DST: variants seen among roughly 807,000 people sequenced by gnomAD.
DST encodes bullous pemphigoid antigen.
DST carries 253 observed loss-of-function variants against 875.2 expected under a neutral mutation model. The ratio of observed to expected loss-of-function variants is 0.29; its 90% CI spans 0.26 to 0.32. DST has a LOEUF of 0.32. DST is among the 10% of genes least tolerant of loss of function. DST has a pLI of 1.00. For missense variants in DST, 8,287 were observed against 9,111.6 expected, an observed-to-expected ratio of 0.91 and a Z score of 3.68; for synonymous variants, 3,124 against 3,197.1, an observed-to-expected ratio of 0.98 and a Z score of 0.77.
rs528464621 is a variant in DST at position 56,462,092 on chromosome 6, C to T, written c.23070+954G>A. The T allele has an allele frequency of 2.0e-5, 3 of 152,280 alleles. No individual in the cohort carries two copies. The South Asian group carries it at 6.2e-4, about 32-fold the overall frequency. The allele number at this position is 152,280 out of a possible 1,614,324, so 9.4% of individuals were successfully genotyped here. On this transcript the variant is annotated intron_variant, in intron 102 of 103. Coordinates refer to ENST00000680361, the MANE Select transcript of DST (RefSeq NM_001374736.1). ...AGGGCTTTTAAAAGTTATTATATTA[C>T]TTTTATTTGAGGATCCTGGCCTTTA... is the stretch of plus-strand genomic sequence containing the variant.
In DST at chr6:56,640,420, G is replaced by A. The variant is rs556008632; in HGVS notation, c.2213C>T (p.Thr738Ile). The A allele has an allele frequency of 6.2e-6, 10 of 1,614,162 alleles. No homozygotes were observed. The South Asian group carries it at 1.1e-4, about 18-fold the overall frequency. Residue 738 changes from threonine (T) to isoleucine (I), a missense_variant, in exon 18 of 104, where the codon ACA becomes ATA. Thr to Ile is a moderately conservative substitution (Grantham distance 89, BLOSUM62 -1). Transcript: ENST00000680361. ...SLTSGLTQSL[T>I]PSLTSSSMTS... ...CATACTAGAAGAGGTTAGGGAAGGT[G>A]TTAAACTCTGGGTCAGCCCTGAGGT...
intron 71 of DST, among the ~76,000 whole-genome samples, chr6:56,516,157 G>GAA (rs1554278513): frequency 1.5e-5 from 1 of 67,766 alleles, no homozygotes; most frequent in African/African-American, 3.7e-5. Flanking sequence ...GAAAGAGAAA[G>GAA]AGAGAAAGAG....
intron 2 of DST, among the ~76,000 whole-genome samples, chr6:56,921,739 A>G (rs1196087629): frequency 6.6e-6 from 1 of 151,904 alleles, no homozygotes; most frequent in Non-Finnish European, 1.5e-5. Flanking sequence ...TGCATGCTCA[A>G]ATTTATTTCA....
chr6:56,493,158 T>C (rs751137800), intron 83 of DST, 69 bp from the exon 84 acceptor site: 10 of 1,426,536 alleles, frequency 7.0e-6, no homozygotes, highest in Non-Finnish European at 9.5e-6. Context: ...TCAGTTTAAA[T>C]ATTCTCTGGC....
At chr6:56,799,173 A>G (rs961757177) in intron 4 of DST, among the ~76,000 whole-genome samples, 2 of 152,188 alleles carry the variant, frequency 1.3e-5, no homozygotes, top group African/African-American at 4.8e-5. Context: ...TTTTGAAAGA[A>G]GTTCTACTGT....
Position 56,532,337 on chromosome 6 carries a change from A to G in DST, c.17108+7T>C. On this transcript the variant is annotated splice_region_variant and intron_variant, in intron 64 of 103. Transcript: ENST00000680361. ...TCTTTCAAAAGAACTGGAAGTATAT[A>G]AGTTACCTTGTTTCAGCTTTATTAA... 1.9e-6 allele frequency: 3 copies of G among 1,612,884 alleles called. No individual in the cohort carries two copies. Among genetic ancestry groups the G allele is most frequent in the South Asian group, 1.1e-5 (1 of 91,018 alleles).
chr6:56,721,200 C>A (rs1333582444), intron 5 of DST, among the ~76,000 whole-genome samples: 1 of 91,974 alleles, frequency 1.1e-5, no homozygotes, highest in African/African-American at 7.1e-5. Context: ...GCGCCCCCCA[C>A]CTCCCAGATG....
At chr6:56,725,957 A>AT (rs1443530008) in intron 5 of DST, among the ~76,000 whole-genome samples, 13 of 152,150 alleles carry the variant, frequency 8.5e-5, no homozygotes, top group Non-Finnish European at 1.9e-4. Context: ...ATTACTTGAA[A>AT]TTTTTTGATA....
intron 4 of DST, among the ~76,000 whole-genome samples, chr6:56,832,467 C>T (rs1441242293): frequency 6.6e-6 from 1 of 152,098 alleles, no homozygotes; most frequent in Non-Finnish European, 1.5e-5. Flanking sequence ...CCTTCCTTGC[C>T]TTCCACCATG....
intron 58 of DST, among the ~76,000 whole-genome samples, chr6:56,559,579 G>C (rs914079994): frequency 6.6e-6 from 1 of 152,038 alleles, no homozygotes; most frequent in Non-Finnish European, 1.5e-5. Flanking sequence ...GGTACTATTT[G>C]TTTGAGCCAT....
Position 56,573,785 on chromosome 6 carries a change from A to G in DST, c.13130T>C (p.Leu4377Ser). The change falls in exon 51 of 104, where the codon TTG (leucine) becomes TCG (serine). Residue 4377 changes from leucine (L) to serine (S), a missense_variant. Leu to Ser is a moderately radical substitution (Grantham distance 145). Around this residue, in one of 10 missense-constraint regions of DST, gnomAD observed 1,513 missense variants for 1,677.8 expected, o/e 0.90. Transcript: ENST00000680361. ...LTRSLSVQDGLDEMLDWMGNV... is the reference protein window; with the variant it reads ...LTRSLSVQDGSDEMLDWMGNV... Reference sequence around the variant, plus strand: ...TCCCATCCAGTCCAGCATTTCATCCAAGCCATCCTGCACACTCAGTGAACG... The same window carrying G: ...TCCCATCCAGTCCAGCATTTCATCCGAGCCATCCTGCACACTCAGTGAACG... 6.2e-7 allele frequency: 1 copy of G among 1,613,694 alleles called. No individual in the cohort carries two copies. The highest frequency in any genetic ancestry group is 8.5e-7 in the Non-Finnish European group (1 of 1,179,738).
intron 4 of DST, among the ~76,000 whole-genome samples, chr6:56,764,967 A>G (rs1461504265): frequency 1.8e-5 from 2 of 108,870 alleles, no homozygotes; most frequent in East Asian, 5.2e-4. Context: ...GGAAGGAAGG[A>G]AGAAAGGGAG....
At chr6:56,522,166 C>T (rs2152498453) in intron 69 of DST, among the ~76,000 whole-genome samples, 1 of 152,256 alleles carries the variant, frequency 6.6e-6, no homozygotes, top group East Asian at 1.9e-4. Flanking sequence ...TCCTACTGAG[C>T]ACATTGTTCT....
intron 5 of DST, among the ~76,000 whole-genome samples, chr6:56,713,295 A>T (rs2099384349): frequency 5.3e-5 from 8 of 152,198 alleles, no homozygotes; most frequent in Admixed American, 5.2e-4. Flanking sequence ...AATTCTGATT[A>T]AAGTGCTGGT....
At chr6:56,760,725 A>G (rs1201169961) in intron 4 of DST, among the ~76,000 whole-genome samples, 3 of 152,254 alleles carry the variant, frequency 2.0e-5, no homozygotes, top group Non-Finnish European at 4.4e-5. Context: ...AATAAAAGGT[A>G]GCATTTGCTG....
At chr6:56,942,584 G>A (rs1216689646) in intron 2 of DST, among the ~76,000 whole-genome samples, 2 of 151,446 alleles carry the variant, frequency 1.3e-5, no homozygotes, top group East Asian at 3.9e-4. Context: ...AAATGTATAG[G>A]AATTCCATTA....
chr6:56,519,191 T>C (rs2096649874), intron 69 of DST, among the ~76,000 whole-genome samples: 1 of 151,946 alleles, frequency 6.6e-6, no homozygotes, highest in South Asian at 2.1e-4. Context: ...CACACAACAC[T>C]AAACGGGTAC....
intron 37 of DST, among the ~76,000 whole-genome samples, chr6:56,612,863 C>CA (rs566784163): frequency 2.8e-4 from 42 of 152,112 alleles, no homozygotes; most frequent in African/African-American, 9.9e-4. Context: ...AGAATGTCTA[C>CA]AAAAAAATTT....
intron 34 of DST, among the ~76,000 whole-genome samples, chr6:56,626,310 G>A (rs1375660023): frequency 6.6e-6 from 1 of 152,080 alleles, no homozygotes; most frequent in Non-Finnish European, 1.5e-5. Flanking sequence ...TTCTAGTCCT[G>A]CAAGCTCCAT....
Sources: allele counts gnomAD v4.1 joint callset (sites outside exome capture counted in the v4.1 genomes callset), GRCh38; gene constraint gnomAD v4.1.1; regional missense constraint gnomAD v4.1.1; transcripts MANE v1.5; gene names NCBI Gene and HGNC (gene_info 2026-07-23, HGNC 2026-07-21).